RGS6: variants seen among roughly 807,000 people sequenced by gnomAD.
RGS6 encodes regulator of G protein signaling 6.
In RGS6, 30 loss-of-function variants were observed where a neutral mutation model predicts 78.5. The observed-to-expected ratio is 0.38, with a 90% CI of 0.29 to 0.52. RGS6 has a LOEUF of 0.52. Ranked by LOEUF, RGS6 falls within the 20% of genes least tolerant of loss-of-function variation. The pLI, the probability that RGS6 is intolerant of heterozygous loss-of-function variation, is 0.85. For synonymous variants in RGS6, 206 were observed against 206.0 expected, an observed-to-expected ratio of 1.00 and a Z score of 0.00; for missense variants, 495 against 609.7, an observed-to-expected ratio of 0.81 and a Z score of 1.98.
intron 13 of RGS6, among the ~76,000 whole-genome samples, chr14:72,504,867 C>G (rs1313550514): frequency 1.3e-5 from 2 of 151,638 alleles, no homozygotes; most frequent in Non-Finnish European, 2.9e-5. Context: ...AATTCTCCTT[C>G]CTGAGCCTCC....
intron 3 of RGS6, among the ~76,000 whole-genome samples, chr14:72,438,476 C>G (rs2095042656): frequency 6.6e-6 from 1 of 152,168 alleles, no homozygotes; most frequent in South Asian, 2.1e-4. Context: ...ACATGGCTAG[C>G]ACGCAAGCCC....
At chr14:72,290,157 G>A (rs1472598002) in intron 2 of RGS6, among the ~76,000 whole-genome samples, 2 of 152,114 alleles carry the variant, frequency 1.3e-5, no homozygotes, top group Non-Finnish European at 2.9e-5. Context: ...AGATTTTATC[G>A]CAAAGAATTC....
intron 2 of RGS6, 115 bp from the exon 3 acceptor site, chr14:72,351,980 T>G (rs1156333520): frequency 1.4e-6 from 1 of 725,474 alleles, no homozygotes; most frequent in Non-Finnish European, 2.3e-6. Context: ...GATGGGAGCT[T>G]TTTGTGATAT....
chr14:72,264,155 C>T (rs1018166979), intron 2 of RGS6, among the ~76,000 whole-genome samples: 2 of 152,176 alleles, frequency 1.3e-5, no homozygotes, highest in African/African-American at 4.8e-5. Context: ...AAGGTTTGTT[C>T]TCAGGGCTTT....
intron 3 of RGS6, among the ~76,000 whole-genome samples, chr14:72,424,266 A>G (rs1258615385): frequency 6.6e-6 from 1 of 152,150 alleles, no homozygotes; most frequent in East Asian, 1.9e-4. Context: ...GTCCTTGGCA[A>G]TTTTTGCATG....
At chr14:72,474,468 T>C (rs1276796275) in intron 9 of RGS6, among the ~76,000 whole-genome samples, 157 bp from the exon 10 acceptor site, 1 of 151,984 alleles carries the variant, frequency 6.6e-6, no homozygotes, top group Non-Finnish European at 1.5e-5. Flanking sequence ...GTATGGGAAC[T>C]CCACAGAGGA....
At chr14:72,276,876 A>T (rs976193444) in intron 2 of RGS6, among the ~76,000 whole-genome samples, 1 of 152,154 alleles carries the variant, frequency 6.6e-6, no homozygotes, top group Non-Finnish European at 1.5e-5. Flanking sequence ...TTGAAAAAAA[A>T]AAAGTTGAGA....
intron 2 of RGS6, among the ~76,000 whole-genome samples, chr14:71,996,019 T>G (rs879793297): frequency 6.6e-6 from 1 of 152,178 alleles, no homozygotes; most frequent in Non-Finnish European, 1.5e-5. Context: ...TCCCGAGGCC[T>G]TCCGAGTCAC....
At chr14:72,120,498 A>G (rs898134190) in intron 2 of RGS6, among the ~76,000 whole-genome samples, 3 of 151,838 alleles carry the variant, frequency 2.0e-5, no homozygotes, top group African/African-American at 4.9e-5. Flanking sequence ...AAATGAAAAC[A>G]TATTATGAAA....
intron 3 of RGS6, among the ~76,000 whole-genome samples, chr14:72,398,577 T>A (rs1001988568): frequency 2.6e-5 from 4 of 152,178 alleles, no homozygotes; most frequent in African/African-American, 9.7e-5. Flanking sequence ...TCTTAGTCAT[T>A]TCTTGCCTTC....
At chr14:72,477,635 A>G (rs543921154) in intron 11 of RGS6, among the ~76,000 whole-genome samples, 1 of 152,044 alleles carries the variant, frequency 6.6e-6, no homozygotes, top group East Asian at 1.9e-4. Context: ...TCTCTACTAA[A>G]AATAGAAAAA....
At chr14:72,104,366 AGTT>A (rs1406968321) in intron 2 of RGS6, among the ~76,000 whole-genome samples, 2 of 152,218 alleles carry the variant, frequency 1.3e-5, no homozygotes, top group Non-Finnish European at 2.9e-5. Context: ...TTGTGAATTT[AGTT>A]GTTGTTTTAT....
chr14:72,092,825 A>G (rs2095309027), intron 2 of RGS6, among the ~76,000 whole-genome samples: 1 of 152,228 alleles, frequency 6.6e-6, no homozygotes, highest in African/African-American at 2.4e-5. Context: ...ATAGAATAGT[A>G]CATTGGTTAC....
intron 2 of RGS6, among the ~76,000 whole-genome samples, chr14:72,048,270 C>T (rs1451331748): frequency 6.6e-6 from 1 of 152,292 alleles, no homozygotes; most frequent in African/African-American, 2.4e-5. Context: ...AGCTTCAGAA[C>T]CATAAATGTT....
intron 2 of RGS6, among the ~76,000 whole-genome samples, chr14:72,250,399 G>GAAAAAAAAAAAA (rs58591258): frequency 1.7e-5 from 2 of 114,286 alleles, no homozygotes; most frequent in Non-Finnish European, 3.5e-5. Flanking sequence ...TAAATACACC[G>GAAAAAAAAAAAA]AAAAAAAAAA....
At chr14:72,266,022 C>T (rs2059012773) in intron 2 of RGS6, among the ~76,000 whole-genome samples, 1 of 152,056 alleles carries the variant, frequency 6.6e-6, no homozygotes, top group African/African-American at 2.4e-5. Flanking sequence ...AGCAAACTAT[C>T]CCCAAATCTA....
At chr14:72,305,084 T>A (rs2066944874) in intron 2 of RGS6, among the ~76,000 whole-genome samples, 1 of 152,078 alleles carries the variant, frequency 6.6e-6, no homozygotes, top group Admixed American at 6.6e-5. Flanking sequence ...TTACAAGAAG[T>A]GAGGGCAAGT....
At position 72,258,128 on chromosome 14, in the gene RGS6, A is replaced by G. The variant is rs150934293; in HGVS notation, c.85-93967A>G. On this transcript the variant is annotated intron_variant, in intron 2 of 17. Transcript: ENST00000553525. Reference sequence around the variant, plus strand: ...TGGGGATTTGGTTACAGAAAAATCCAGAGGATTTATCTGGGCTGTCTTACT... The same window carrying G: ...TGGGGATTTGGTTACAGAAAAATCCGGAGGATTTATCTGGGCTGTCTTACT... Among the ~76,000 whole-genome samples, 1,185 of 152,318 alleles carry G rather than the reference A, an allele frequency of 7.8e-3. 16 individuals carry two copies. The highest frequency in any genetic ancestry group is 0.027 in the African/African-American group (1,123 of 41,578).
At chr14:72,537,658 GA>G in intron 16 of RGS6, 1 of 652,760 alleles carries the variant, frequency 1.5e-6, no homozygotes, top group Non-Finnish European at 2.7e-6. Flanking sequence ...AGAACTAGAG[GA>G]AAGAAAAATT....
Sources: gnomAD v4.1 joint callset for allele counts (sites outside exome capture counted in the v4.1 genomes callset) on GRCh38, gnomAD v4.1.1 for gene constraint, MANE v1.5 for transcripts, NCBI Gene and HGNC (gene_info 2026-07-23, HGNC 2026-07-21) for gene names.